ESRRG: variants seen among roughly 807,000 people sequenced by gnomAD.
The protein encoded by ESRRG is estrogen-related receptor gamma.
Under a neutral mutation model 44.0 loss-of-function variants are expected in ESRRG, and 13 were observed. The observed-to-expected ratio is 0.30, with a 90% confidence interval of 0.19 to 0.47. ESRRG has a LOEUF of 0.47. Ranked by LOEUF, ESRRG falls within the 20% of genes least tolerant of loss-of-function variation. ESRRG has a pLI of 1.00. For missense variants in ESRRG, 395 were observed against 580.6 expected, an observed-to-expected ratio of 0.68 and a Z score of 3.29; for synonymous variants, 215 against 214.6, an observed-to-expected ratio of 1.00 and a Z score of -0.02.
At chr1:216,607,215 A>C (rs1207729088) in intron 3 of ESRRG, among the ~76,000 whole-genome samples, 1 of 152,138 alleles carries the variant, frequency 6.6e-6, no homozygotes, top group Non-Finnish European at 1.5e-5. Context: ...GCTGACCACA[A>C]TCCCTACACC....
chr1:216,605,690 A>T (rs74141622), intron 3 of ESRRG, among the ~76,000 whole-genome samples: 3,274 of 152,086 alleles, frequency 0.022, 110 homozygotes, highest in African/African-American at 0.075. Context: ...TTGCTATATT[A>T]TGTATAGATC....
chr1:216,747,434 C>T (rs2091525819), intron 2 of ESRRG, among the ~76,000 whole-genome samples: 2 of 152,102 alleles, frequency 1.3e-5, no homozygotes, highest in Admixed American at 6.6e-5. Context: ...CTGCACAGGT[C>T]CTTTATAGCA....
At chr1:217,098,729 G>A (rs1406826462) in intron 1 of ESRRG, among the ~76,000 whole-genome samples, 1 of 152,202 alleles carries the variant, frequency 6.6e-6, no homozygotes, top group African/African-American at 2.4e-5. Context: ...TATTTAATGT[G>A]CCTACAATCA....
At chr1:217,002,771 T>C (rs921557822) in intron 1 of ESRRG, among the ~76,000 whole-genome samples, 2 of 152,144 alleles carry the variant, frequency 1.3e-5, no homozygotes, top group African/African-American at 4.8e-5. Flanking sequence ...GCCAGCCATA[T>C]GAGCAAGTCA....
intron 3 of ESRRG, among the ~76,000 whole-genome samples, chr1:216,580,685 T>G (rs1262550686): frequency 6.6e-6 from 1 of 152,190 alleles, no homozygotes; most frequent in Non-Finnish European, 1.5e-5. Context: ...TAAGCTCTCT[T>G]CCAGTTCTAA....
chr1:217,082,880 A>G (rs1346770724), intron 1 of ESRRG, among the ~76,000 whole-genome samples: 1 of 152,236 alleles, frequency 6.6e-6, no homozygotes, highest in African/African-American at 2.4e-5. Context: ...AGGGAAAGAA[A>G]AGCCATATAC....
At chr1:216,650,931 C>G (rs1275004901) in intron 3 of ESRRG, 42 bp downstream of exon 3, 7 of 1,325,978 alleles carry the variant, frequency 5.3e-6, no homozygotes, top group Non-Finnish European at 7.6e-6. Flanking sequence ...CCCATCCCCA[C>G]AGCAAAATCA....
chr1:216,560,878 A>C (rs1210176026), intron 5 of ESRRG, among the ~76,000 whole-genome samples: 1 of 152,198 alleles, frequency 6.6e-6, no homozygotes, highest in Non-Finnish European at 1.5e-5. Flanking sequence ...GGCAGATAGG[A>C]ACCAGAAAAG....
chr1:216,551,582 C>A (rs777172281), intron 5 of ESRRG, among the ~76,000 whole-genome samples: 8 of 152,096 alleles, frequency 5.3e-5, no homozygotes, highest in African/African-American at 1.2e-4. Context: ...AATACACAGA[C>A]GTGTTAAAAC....
intron 5 of ESRRG, among the ~76,000 whole-genome samples, chr1:216,538,396 A>G (rs2051646943): frequency 6.6e-6 from 1 of 151,958 alleles, no homozygotes; most frequent in South Asian, 2.1e-4. Context: ...TGAGTCTGTG[A>G]GAAGCGCTTA....
intron 1 of ESRRG, among the ~76,000 whole-genome samples, chr1:216,995,267 G>A (rs1406890151): frequency 1.3e-5 from 2 of 152,086 alleles, no homozygotes; most frequent in Non-Finnish European, 2.9e-5. Flanking sequence ...GAAGGCCACT[G>A]TCATCTCTCA....
chr1:216,944,971 T>C (rs759596346), intron 1 of ESRRG, among the ~76,000 whole-genome samples: 51 of 152,250 alleles, frequency 3.3e-4, no homozygotes, highest in Middle Eastern at 3.4e-3. Context: ...GCCCAGGTTT[T>C]TCATAATTCC....
intron 2 of ESRRG, chr1:216,864,606 A>T (rs912910711): frequency 2.0e-5 from 3 of 152,172 alleles, no homozygotes; most frequent in African/African-American, 7.2e-5. Context: ...GAAAATTTTC[A>T]TTTCAACCAG....
intron 2 of ESRRG, among the ~76,000 whole-genome samples, chr1:216,659,243 C>T (rs564738632): frequency 1.3e-5 from 2 of 152,286 alleles, no homozygotes; most frequent in African/African-American, 4.8e-5. Flanking sequence ...CCACCTTCCT[C>T]AGATTTATAC....
At chr1:216,860,586 A>G (rs1377657729) in intron 2 of ESRRG, among the ~76,000 whole-genome samples, 1 of 152,148 alleles carries the variant, frequency 6.6e-6, no homozygotes, top group African/African-American at 2.4e-5. Context: ...CAAGAAGACA[A>G]TATATTGGAA....
rs543373148 is a variant in ESRRG, at chr1:216,666,934, T to TC, written c.472+10141dup. 3.2e-3 allele frequency among the ~76,000 whole-genome samples: 489 copies of TC among 151,944 alleles called. 4 individuals carry two copies. Among genetic ancestry groups the TC allele is most frequent in the African/African-American group, 0.01 (429 of 41,430 alleles). ...TTGGGGCAGGTTAAGAGAACTCTCC[T>TC]CCCCCCAAAAAAAATCAGTGGAAGA... is the stretch of plus-strand genomic sequence containing the variant. On this transcript the variant is annotated intron_variant, in intron 2 of 6. Transcript: ENST00000408911.
intron 1 of ESRRG, among the ~76,000 whole-genome samples, chr1:217,014,722 G>T (rs2079097322): frequency 6.6e-6 from 1 of 152,140 alleles, no homozygotes; most frequent in Non-Finnish European, 1.5e-5. Context: ...GGAAATTCAG[G>T]AGATGAGAAA....
At position 216,882,040 on chromosome 1, in the gene ESRRG, T is replaced by C. The variant is rs796236250; in HGVS notation, c.-14+57542A>G. The stretch of plus-strand genomic sequence containing the variant: ...CTAAATGACATTTTGTATGGTGTTT[T>C]ATTGATTCACATAAGCACTCTCCCT... On this transcript the variant is annotated intron_variant, in intron 2 of 7. Coordinates refer to the ESRRG transcript ENST00000359162. 7.9e-5 allele frequency among the ~76,000 whole-genome samples: 12 copies of C among 152,204 alleles called. 1 individual carries two copies. The highest frequency in any genetic ancestry group is 2.6e-4 in the African/African-American group (11 of 41,538).
intron 2 of ESRRG, among the ~76,000 whole-genome samples, chr1:216,768,453 TC>T (rs2093204103): frequency 2.7e-5 from 2 of 75,070 alleles, no homozygotes; most frequent in African/African-American, 8.6e-5. Flanking sequence ...TCTATCATTA[TC>T]TATCTATCTA....
Sources: gnomAD v4.1 joint callset for allele counts (sites outside exome capture counted in the v4.1 genomes callset) on GRCh38, gnomAD v4.1.1 for gene constraint, MANE v1.5 for transcripts, NCBI Gene and HGNC (gene_info 2026-07-23, HGNC 2026-07-21) for gene names.